The following FYB1 variants were observed in gnomAD, a reference collection of about 807,000 sequenced individuals.
The protein encoded by FYB1 is FYN-binding protein 1.
A neutral mutation model predicts 94.1 loss-of-function variants in FYB1; 41 were observed. The ratio of observed to expected loss-of-function variants is 0.44; its 90% CI spans 0.34 to 0.57. The LOEUF is 0.57. FYB1 is among the 20% of genes least tolerant of loss of function. FYB1 has a pLI of 0.02. For missense variants in FYB1, 1,050 were observed against 976.8 expected (o/e 1.07, Z -1.00); for synonymous variants, 367 against 353.2 (o/e 1.04, Z -0.44).
At chr5:39,267,906 G>C (rs1390561902) in intron 1 of FYB1, among the ~76,000 whole-genome samples, 1 of 152,154 alleles carries the variant, frequency 6.6e-6, no homozygotes, top group Non-Finnish European at 1.5e-5. Flanking sequence ...TGACAGTCTT[G>C]TCTATATCAC....
chr5:39,267,009 C>T (rs1018418416), intron 1 of FYB1, among the ~76,000 whole-genome samples: 2 of 152,150 alleles, frequency 1.3e-5, no homozygotes, highest in African/African-American at 4.8e-5. Flanking sequence ...CAGATAAAAT[C>T]GTCCTCAAAT....
chr5:39,244,290 GC>G (rs1432721477), intron 1 of FYB1, among the ~76,000 whole-genome samples: 1 of 152,030 alleles, frequency 6.6e-6, no homozygotes. Context: ...GTCATAAATA[GC>G]CCGTATTGTT....
intron 7 of FYB1, among the ~76,000 whole-genome samples, chr5:39,136,757 AAT>A (rs1438495563): frequency 2.0e-5 from 3 of 152,252 alleles, no homozygotes; most frequent in African/African-American, 7.2e-5. Flanking sequence ...GCTTTAATGC[AAT>A]AAATATACCG....
At chr5:39,182,239 C>G (rs370869838) in intron 2 of FYB1, among the ~76,000 whole-genome samples, 1 of 151,748 alleles carries the variant, frequency 6.6e-6, no homozygotes, top group African/African-American at 2.4e-5. Flanking sequence ...CCAGTGTGAA[C>G]AGAGTGCAGG....
intron 2 of FYB1, among the ~76,000 whole-genome samples, chr5:39,158,216 A>C (rs1472962225): frequency 6.6e-6 from 1 of 152,228 alleles, no homozygotes; most frequent in Non-Finnish European, 1.5e-5. Context: ...CATCCTTTTT[A>C]ATTGTGGAAG....
intron 11 of FYB1, among the ~76,000 whole-genome samples, chr5:39,126,928 C>T (rs1043844570): frequency 5.3e-5 from 8 of 151,166 alleles, no homozygotes; most frequent in African/African-American, 1.9e-4. Flanking sequence ...CATGATGGCA[C>T]ATGCCTGTAA....
At position 39,142,814 on chromosome 5, in the gene FYB1, G is replaced by A. The variant is rs528675250; in HGVS notation, c.1293-1673C>T. On this transcript the variant is annotated intron_variant, in intron 3 of 18. Transcript: ENST00000512982. ...AAAAATACTAGCTACCAAATCCACT[G>A]GACCCTCTCAAACTGCATCTCACTT... Among the ~76,000 whole-genome samples, 3 of 152,214 alleles carry A rather than the reference G, an allele frequency of 2.0e-5. No individual in the cohort carries two copies. The South Asian group carries it at 6.2e-4, about 32-fold the overall frequency.
chr5:39,123,329 TA>T (rs1740307839), intron 13 of FYB1, among the ~76,000 whole-genome samples: 3 of 152,154 alleles, frequency 2.0e-5, no homozygotes, highest in Admixed American at 2.0e-4. Flanking sequence ...ATAAATACTT[TA>T]AAAAATATCA....
chr5:39,225,043 A>T (rs1750413272), intron 1 of FYB1, among the ~76,000 whole-genome samples: 1 of 152,218 alleles, frequency 6.6e-6, no homozygotes, highest in Non-Finnish European at 1.5e-5. Context: ...AGCAATCTTT[A>T]AGAAGCAGAG....
intron 1 of FYB1, among the ~76,000 whole-genome samples, chr5:39,224,766 C>T (rs529003210): frequency 6.6e-5 from 10 of 152,274 alleles, no homozygotes; most frequent in African/African-American, 2.4e-4. Context: ...GGACTGGCTC[C>T]TATTTAATGT....
intron 10 of FYB1, among the ~76,000 whole-genome samples, chr5:39,128,279 A>G (rs940203249): frequency 2.0e-5 from 3 of 152,146 alleles, no homozygotes; most frequent in African/African-American, 7.2e-5. Flanking sequence ...TAAAATACAT[A>G]TTTTTGAAAG....
chr5:39,201,729 A>G (rs1233029012), intron 2 of FYB1, 97 bp downstream of exon 2: 8 of 1,102,344 alleles, frequency 7.3e-6, no homozygotes, highest in Middle Eastern at 2.1e-4. Flanking sequence ...TACCAGATAT[A>G]GAGAATCATT....
intron 14 of FYB1, 105 bp from the exon 15 acceptor site, chr5:39,119,739 C>T (rs1739913299): frequency 1.6e-6 from 2 of 1,257,008 alleles, no homozygotes; most frequent in Non-Finnish European, 2.0e-6. Flanking sequence ...CTTTTTGTTT[C>T]AGTTAATTCT....
Position 39,125,870 on chromosome 5 carries a change from C to A in FYB1, c.2045+128G>T. On this transcript the variant is annotated intron_variant, in intron 12 of 18. Transcript: ENST00000512982. ...CCATAAACGGGGCTAAGATGATTAACGGAAAATTGCATTAAGATGATTTAA... is the reference window on the plus strand; with the variant it reads ...CCATAAACGGGGCTAAGATGATTAAAGGAAAATTGCATTAAGATGATTTAA... 3.2e-6 allele frequency: 3 copies of A among 930,262 alleles called. No homozygotes were observed. In the South Asian group the frequency reaches 5.6e-5, roughly 17 times the overall value. The allele number at this position is 930,262 out of a possible 1,614,324, so 57.6% of individuals were successfully genotyped here. A position where few individuals can be genotyped will look rare whatever the true frequency, so the allele number is the denominator to read the frequency against.
intron 1 of FYB1, among the ~76,000 whole-genome samples, chr5:39,266,210 G>A (rs776322279): frequency 2.0e-5 from 3 of 152,248 alleles, no homozygotes; most frequent in Non-Finnish European, 4.4e-5. Context: ...AGATAAAGTA[G>A]AATTCTACTG....
intron 1 of FYB1, among the ~76,000 whole-genome samples, chr5:39,229,272 C>T (rs1011284912): frequency 3.3e-5 from 5 of 152,090 alleles, no homozygotes; most frequent in Non-Finnish European, 5.9e-5. Context: ...TCCACCATTC[C>T]CCAGTAGAGA....
intron 9 of FYB1, 124 bp downstream of exon 9, chr5:39,134,084 G>A (rs1340957704): frequency 3.2e-6 from 2 of 621,476 alleles, no homozygotes; most frequent in Non-Finnish European, 5.4e-6. Context: ...TATTGTAAGT[G>A]GTCATTTAGT....
At chr5:39,142,671 C>G (rs772792665) in intron 3 of FYB1, among the ~76,000 whole-genome samples, 7 of 152,204 alleles carry the variant, frequency 4.6e-5, no homozygotes, top group Non-Finnish European at 8.8e-5. Flanking sequence ...CTTCCTTTAT[C>G]CAGCCAAGCT....
intron 2 of FYB1, among the ~76,000 whole-genome samples, chr5:39,170,540 A>G (rs1401816820): frequency 6.6e-6 from 1 of 152,104 alleles, no homozygotes; most frequent in East Asian, 1.9e-4. Flanking sequence ...TTCTAGATTC[A>G]TCCATTTCTT....
Sources: gnomAD v4.1 joint callset for allele counts (sites outside exome capture counted in the v4.1 genomes callset) on GRCh38, gnomAD v4.1.1 for gene constraint, MANE v1.5 for transcripts, NCBI Gene and HGNC (gene_info 2026-07-23, HGNC 2026-07-21) for gene names.